The following KCNIP4 variants were observed in gnomAD, a reference collection of about 807,000 sequenced individuals.
The protein encoded by KCNIP4 is Kv channel-interacting protein 4.
In KCNIP4, 12 loss-of-function variants were observed where a neutral mutation model predicts 34.0. That is an observed-to-expected ratio of 0.35 (90% CI 0.23 to 0.57). The LOEUF (loss-of-function observed/expected upper bound fraction) is 0.57. KCNIP4 is among the 20% of genes least tolerant of loss of function. The pLI, the probability that KCNIP4 is intolerant of heterozygous loss-of-function variation, is 0.83. For missense variants in KCNIP4, 238 were observed against 311.7 expected (o/e 0.76, Z 1.78); for synonymous variants, 124 against 102.2 (o/e 1.21, Z -1.29).
In KCNIP4 at chr4:21,259,920, T is replaced by TGTGTGTGTGTGTGTGTGC. The variant is rs755266993; in HGVS notation, c.62-377212_62-377211insGCACACACACACACACAC. Among the ~76,000 whole-genome samples, 52 of 150,196 alleles carry TGTGTGTGTGTGTGTGTGC rather than the reference T, an allele frequency of 3.5e-4. No homozygotes were observed. The East Asian group carries it at 8.0e-3, about 23-fold the overall frequency. On this transcript the variant is annotated intron_variant, in intron 1 of 8. Coordinates refer to ENST00000382152, the MANE Select transcript of KCNIP4 (RefSeq NM_025221.6). Reference sequence around the variant, plus strand: ...GTGTGTGTGTGTGTGTGTGTGTGTGTGCACGTGCGCTTATGTGCATTGTGC... The same window carrying TGTGTGTGTGTGTGTGTGC: ...GTGTGTGTGTGTGTGTGTGTGTGTGTGTGTGTGTGTGTGTGTGCGCACGTGCGCTTATGTGCATTGTGC...
chr4:21,094,021 G>A (rs1747247055), intron 1 of KCNIP4, among the ~76,000 whole-genome samples: 1 of 152,008 alleles, frequency 6.6e-6, no homozygotes, highest in Non-Finnish European at 1.5e-5. Context: ...GGCAGAGCTT[G>A]CAGTGAGCCA....
At chr4:20,897,049 T>G (rs1476028518) in intron 1 of KCNIP4, among the ~76,000 whole-genome samples, 1 of 152,186 alleles carries the variant, frequency 6.6e-6, no homozygotes, top group African/African-American at 2.4e-5. Context: ...GATTCTGTAC[T>G]GCTAGTATTA....
intron 1 of KCNIP4, among the ~76,000 whole-genome samples, chr4:21,389,824 G>A (rs1722389178): frequency 1.3e-5 from 2 of 152,148 alleles, no homozygotes; most frequent in East Asian, 3.9e-4. Context: ...CCCAGTAATA[G>A]GATGGCTGGG....
intron 1 of KCNIP4, among the ~76,000 whole-genome samples, chr4:21,138,522 T>G (rs1191055580): frequency 8.4e-6 from 1 of 119,640 alleles, no homozygotes; most frequent in Non-Finnish European, 1.8e-5. Context: ...ACTTCTTTCT[T>G]TTTCTTCTTC....
chr4:21,348,125 C>T (rs1421401146), intron 1 of KCNIP4, among the ~76,000 whole-genome samples: 2 of 152,146 alleles, frequency 1.3e-5, no homozygotes, highest in Non-Finnish European at 2.9e-5. Flanking sequence ...TCATGGTATC[C>T]TTACCTGGAT....
chr4:20,752,260 C>T (rs1210065990), intron 4 of KCNIP4, among the ~76,000 whole-genome samples: 5 of 151,870 alleles, frequency 3.3e-5, no homozygotes, highest in African/African-American at 4.8e-5. Flanking sequence ...GGTTTCATCA[C>T]GTTGGCCAGA....
At chr4:20,876,685 C>T (rs979633669) in intron 2 of KCNIP4, among the ~76,000 whole-genome samples, 1 of 152,100 alleles carries the variant, frequency 6.6e-6, no homozygotes, top group East Asian at 1.9e-4. Flanking sequence ...AGTGATTCTC[C>T]TGCCTCAGCC....
intron 1 of KCNIP4, among the ~76,000 whole-genome samples, chr4:20,940,324 G>A (rs563872876): frequency 1.3e-5 from 2 of 152,274 alleles, no homozygotes; most frequent in South Asian, 4.1e-4. Context: ...TCTTATGTCT[G>A]TCTCCTCAAC....
At chr4:21,254,104 G>T (rs1760902244) in intron 1 of KCNIP4, among the ~76,000 whole-genome samples, 1 of 152,182 alleles carries the variant, frequency 6.6e-6, no homozygotes, top group Non-Finnish European at 1.5e-5. Context: ...GGTATGATAA[G>T]AATATTTTGG....
At position 20,925,288 on chromosome 4, in the gene KCNIP4, T is replaced by G. The variant is rs141788207; in HGVS notation, c.62-42579A>C. 6.5e-3 allele frequency among the ~76,000 whole-genome samples: 992 copies of G among 152,230 alleles called. 4 individuals carry two copies. The highest frequency in any genetic ancestry group is 0.011 in the Non-Finnish European group (722 of 68,018). On this transcript the variant is annotated intron_variant, in intron 1 of 8. Coordinates refer to ENST00000382152, the MANE Select transcript of KCNIP4 (RefSeq NM_025221.6). ...GGGTAAAAATAAGGCTGAAACCTAC[T>G]GGGCTTCATTCCCAGATGGTTAGGG... is the stretch of plus-strand genomic sequence containing the variant.
intron 1 of KCNIP4, among the ~76,000 whole-genome samples, chr4:21,204,955 A>G (rs1437635847): frequency 6.6e-6 from 1 of 152,208 alleles, no homozygotes; most frequent in Admixed American, 6.5e-5. Flanking sequence ...AATAAGTGGG[A>G]CTTTCAAAAT....
At chr4:21,815,735 TTATTCTAG>T in intron 1 of KCNIP4, among the ~76,000 whole-genome samples, 1 of 152,252 alleles carries the variant, frequency 6.6e-6, no homozygotes, top group African/African-American at 2.4e-5. Flanking sequence ...TGTAAAAATA[TTATTCTAG>T]TATACTTTTT....
At chr4:21,644,026 A>G (rs540656993) in intron 1 of KCNIP4, among the ~76,000 whole-genome samples, 21 of 152,194 alleles carry the variant, frequency 1.4e-4, no homozygotes, top group Admixed American at 1.3e-3. Flanking sequence ...TTCATTTTAC[A>G]TATCAGAAAA....
At chr4:20,730,536 T>TGTATGAGCCAGCAGTTCA (rs1386055726) in intron 8 of KCNIP4, among the ~76,000 whole-genome samples, 1 of 151,874 alleles carries the variant, frequency 6.6e-6, no homozygotes, top group Admixed American at 6.6e-5. Context: ...AAAATTTGTG[T>TGTATGAGCCAGCAGTTCA]GTATGAGCCA....
intron 1 of KCNIP4, among the ~76,000 whole-genome samples, chr4:20,954,004 T>C (rs1336640773): frequency 6.6e-6 from 1 of 152,200 alleles, no homozygotes; most frequent in Non-Finnish European, 1.5e-5. Context: ...GTGCAGGATT[T>C]TTTTTATAAA....
intron 3 of KCNIP4, among the ~76,000 whole-genome samples, chr4:20,789,134 G>GA (rs969268681): frequency 1.2e-3 from 179 of 151,990 alleles, no homozygotes; most frequent in African/African-American, 4.0e-3. Context: ...GCCCAGAGTG[G>GA]AAAAAAAGAA....
chr4:21,041,068 A>T (rs183748745), intron 1 of KCNIP4, among the ~76,000 whole-genome samples: 73 of 152,136 alleles, frequency 4.8e-4, no homozygotes, highest in African/African-American at 1.5e-3. Flanking sequence ...TCCCTTTCAC[A>T]TCTACCCTGC....
intron 1 of KCNIP4, among the ~76,000 whole-genome samples, chr4:21,461,600 GA>G (rs1313677547): frequency 2.6e-5 from 4 of 152,028 alleles, no homozygotes; most frequent in East Asian, 1.9e-4. Context: ...TCCAAAGGTA[GA>G]AAAAAATCTC....
chr4:21,194,809 C>T (rs76844567), intron 1 of KCNIP4, among the ~76,000 whole-genome samples: 2,150 of 152,272 alleles, frequency 0.014, 54 homozygotes, highest in African/African-American at 0.049. Context: ...CACAGCGAAC[C>T]CTGCTGCAAT....
Sources: allele counts gnomAD v4.1 joint callset (sites outside exome capture counted in the v4.1 genomes callset), GRCh38; gene constraint gnomAD v4.1.1; transcripts MANE v1.5; gene names NCBI Gene and HGNC (gene_info 2026-07-23, HGNC 2026-07-21).